The following VAV1 variants were observed in gnomAD, a reference collection of about 807,000 sequenced individuals.
The protein encoded by VAV1 is proto-oncogene vav.
VAV1 carries 33 observed loss-of-function variants against 128.1 expected under a neutral mutation model. The ratio of observed to expected loss-of-function variants is 0.26; its 90% CI spans 0.20 to 0.34. VAV1 has a LOEUF of 0.34. Ranked by LOEUF, VAV1 falls within the 10% of genes least tolerant of loss-of-function variation. VAV1 has a pLI of 1.00. For missense variants in VAV1, 715 were observed against 1,093.7 expected (o/e 0.65, Z 4.88); for synonymous variants, 394 against 409.8 (o/e 0.96, Z 0.47).
At chr19:6,816,032 T>TTG (rs1971637105) in intron 1 of VAV1, among the ~76,000 whole-genome samples, 1 of 150,864 alleles carries the variant, frequency 6.6e-6, no homozygotes, top group Non-Finnish European at 1.5e-5. Context: ...TTTTTTTTTT[T>TTG]TTTTTGAGAC....
intron 24 of VAV1, among the ~76,000 whole-genome samples, chr19:6,852,684 G>T (rs1254880390): frequency 6.6e-6 from 1 of 150,568 alleles, no homozygotes; most frequent in African/African-American, 2.5e-5. Context: ...TTGCGCCACT[G>T]CACTCCAGCC....
At chr19:6,814,671 C>CCTTCCTTCCTTCCTTCCTTCCTTCCTTT in intron 1 of VAV1, among the ~76,000 whole-genome samples, 1 of 25,796 alleles carries the variant, frequency 3.9e-5, no homozygotes, top group African/African-American at 1.6e-4. Context: ...TTCCTTCCTT[C>CCTTCCTTCCTTCCTTCCTTCCTTCCTTT]CTTTCTTTCT....
At chr19:6,825,706 A>G (rs150149959) in intron 8 of VAV1, among the ~76,000 whole-genome samples, 12 of 152,278 alleles carry the variant, frequency 7.9e-5, no homozygotes, top group African/African-American at 2.9e-4. Context: ...GGCACATAGT[A>G]GATGCTCAAT....
chr19:6,816,017 ATTT>A (rs1157742259), intron 1 of VAV1, among the ~76,000 whole-genome samples: 3 of 133,756 alleles, frequency 2.2e-5, no homozygotes, highest in Admixed American at 7.5e-5. Context: ...GTCTCTACAA[ATTT>A]TTTTTTTTTT....
At chr19:6,806,365 G>A (rs964931033) in intron 1 of VAV1, among the ~76,000 whole-genome samples, 2 of 152,148 alleles carry the variant, frequency 1.3e-5, no homozygotes, top group African/African-American at 2.4e-5. Flanking sequence ...GATTCCAGGC[G>A]TGAGCCACCA....
intron 1 of VAV1, among the ~76,000 whole-genome samples, chr19:6,801,725 C>A (rs1304842438): frequency 6.6e-6 from 1 of 152,166 alleles, no homozygotes; most frequent in African/African-American, 2.4e-5. Flanking sequence ...TTGATTGCTG[C>A]CGTCGTGCTT....
chr19:6,804,012 G>A (rs1005391737), intron 1 of VAV1, among the ~76,000 whole-genome samples: 1 of 152,118 alleles, frequency 6.6e-6, no homozygotes, highest in African/African-American at 2.4e-5. Context: ...GCTATGTGAT[G>A]TTTCAGAAAA....
intron 23 of VAV1, 27 bp from the exon 24 acceptor site, chr19:6,850,643 C>A: frequency 6.2e-7 from 1 of 1,612,228 alleles, no homozygotes; most frequent in East Asian, 2.2e-5. Flanking sequence ...TCCCCAGACT[C>A]AGGGCCCGGT....
rs562398199 is a variant in VAV1 at position 6,826,263 on chromosome 19, G to T, written c.828-349G>T. Among the ~76,000 whole-genome samples, 56 of 152,192 alleles carry T rather than the reference G, an allele frequency of 3.7e-4. No individual in the cohort carries two copies. Among genetic ancestry groups the T allele is most frequent in the Admixed American group, 1.3e-3 (20 of 15,282 alleles). On this transcript the variant is annotated intron_variant, in intron 8 of 26. Transcript: ENST00000602142. This position sits in a 1 kb window ranked among gnomAD's most constrained non-coding sequence, Gnocchi z 4.1. ...TGAAGCAGGAGAATCGCTTGAACCCGGGAGATGGAGGTTGCACTGAGCCCA... is the reference window on the plus strand; with the variant it reads ...TGAAGCAGGAGAATCGCTTGAACCCTGGAGATGGAGGTTGCACTGAGCCCA...
chr19:6,850,603 T>C, intron 23 of VAV1, 67 bp from the exon 24 acceptor site: 2 of 1,526,566 alleles, frequency 1.3e-6, no homozygotes, highest in Non-Finnish European at 1.8e-6. Context: ...GCTTCCTCCA[T>C]AACTGGGGCT....
At chr19:6,786,895 T>C (rs115564281) in intron 1 of VAV1, among the ~76,000 whole-genome samples, 1,752 of 152,234 alleles carry the variant, frequency 0.012, 36 homozygotes, top group African/African-American at 0.039. Flanking sequence ...ATTCCGCATA[T>C]TCAGAAAAAC....
chr19:6,786,659 T>C lies in VAV1; in HGVS notation c.204+13648T>C, dbSNP rs950962985. On this transcript the variant is annotated intron_variant, in intron 1 of 26. Coordinates refer to ENST00000602142, the MANE Select transcript of VAV1 (RefSeq NM_005428.4). ...TTACCTGGGTGTGATGGTGTGCGCC[T>C]ATAGTCCCAGCTACTCAAGAGGCTG... Among the ~76,000 whole-genome samples, 6 of 152,124 alleles carry C rather than the reference T, an allele frequency of 3.9e-5. No homozygotes were observed. In the South Asian group the frequency reaches 1.0e-3, roughly 26 times the overall value.
At chr19:6,802,411 G>A (rs917808421) in intron 1 of VAV1, among the ~76,000 whole-genome samples, 4 of 152,030 alleles carry the variant, frequency 2.6e-5, no homozygotes, top group African/African-American at 9.7e-5. Flanking sequence ...AGGCGACCAG[G>A]AAGTCCTTTC....
chr19:6,787,013 G>A (rs1412865532), intron 1 of VAV1, among the ~76,000 whole-genome samples: 2 of 143,120 alleles, frequency 1.4e-5, no homozygotes, highest in African/African-American at 5.4e-5. Flanking sequence ...TTGTTGACAC[G>A]CTGTCTATTT....
intron 1 of VAV1, among the ~76,000 whole-genome samples, chr19:6,794,267 G>A (rs939934165): frequency 1.3e-5 from 2 of 152,116 alleles, no homozygotes; most frequent in Non-Finnish European, 2.9e-5. Context: ...GAAGAGAGAG[G>A]GAAAAGAGGT....
intron 1 of VAV1, among the ~76,000 whole-genome samples, chr19:6,785,691 G>C (rs1360802794): frequency 2.8e-5 from 3 of 108,960 alleles, no homozygotes; most frequent in Non-Finnish European, 5.7e-5. Flanking sequence ...ATAGAGTCTT[G>C]CTCTATCGCC....
At chr19:6,816,647 G>A (rs1204251851) in intron 1 of VAV1, among the ~76,000 whole-genome samples, 2 of 151,844 alleles carry the variant, frequency 1.3e-5, no homozygotes, top group African/African-American at 4.8e-5. Context: ...TCCCCACACC[G>A]ATCTAAGCCT....
rs1415716795 is a variant in VAV1 at position 6,828,415 on chromosome 19, T to C, written c.1024-4T>C. On this transcript the variant is annotated splice_polypyrimidine_tract_variant and splice_region_variant and intron_variant, in intron 10 of 26. Transcript: ENST00000602142. This position sits in a 1 kb window ranked among gnomAD's most constrained non-coding sequence, Gnocchi z 4.5. ...GGTGACGTCTGACGTCTTGGTTCTC[T>C]CAGGAGCTGGTGAAACACACGCAGG... The C allele has an allele frequency of 6.2e-7, 1 of 1,614,090 alleles. No homozygotes were observed. The highest frequency in any genetic ancestry group is 1.1e-5 in the South Asian group (1 of 91,072).
rs748566930 is a variant in VAV1, at chr19:6,828,912, C to G, written c.1265+12C>G. ...TCCAAGATGGACAGGTGGGTGGAGT[C>G]AACATGGATCTGGGATGGAGCCTGG... On this transcript the variant is annotated intron_variant, in intron 13 of 26. Coordinates refer to ENST00000602142, the MANE Select transcript of VAV1 (RefSeq NM_005428.4). The surrounding 1 kb of genome is among the most constrained non-coding windows in gnomAD (Gnocchi z 4.5). The G allele has an allele frequency of 1.2e-6, 2 of 1,613,774 alleles. No individual in the cohort carries two copies. Among genetic ancestry groups the G allele is most frequent in the Non-Finnish European group, 1.7e-6 (2 of 1,179,942 alleles).
Sources: allele counts gnomAD v4.1 joint callset (sites outside exome capture counted in the v4.1 genomes callset), GRCh38; gene constraint gnomAD v4.1.1; non-coding constraint Gnocchi (gnomAD v3.1); transcripts MANE v1.5; gene names NCBI Gene and HGNC (gene_info 2026-07-23, HGNC 2026-07-21).